PPM1B: variants seen among roughly 807,000 people sequenced by gnomAD.
PPM1B encodes the protein protein phosphatase 1B.
In PPM1B, 22 loss-of-function variants were observed where a neutral mutation model predicts 43.0. The observed-to-expected ratio is 0.51, with a 90% CI of 0.37 to 0.73. The LOEUF (loss-of-function observed/expected upper bound fraction) is 0.73, where lower values mean the gene tolerates loss of function less well. Ranked by LOEUF, PPM1B falls within the 30% of genes least tolerant of loss-of-function variation. PPM1B has a pLI of 0.00. For synonymous variants in PPM1B, 217 were observed against 197.9 expected (o/e 1.10, Z -0.81); for missense variants, 632 against 584.2 (o/e 1.08, Z -0.84).
chr2:44,173,151 C>G (rs1667429667), intron 1 of PPM1B, among the ~76,000 whole-genome samples: 1 of 152,162 alleles, frequency 6.6e-6, no homozygotes, highest in Admixed American at 6.5e-5. Flanking sequence ...ACTAAAAATA[C>G]AGAATTTAGC....
chr2:44,217,438 G>T (rs1669774983), intron 3 of PPM1B, among the ~76,000 whole-genome samples: 3 of 151,278 alleles, frequency 2.0e-5, no homozygotes, highest in Admixed American at 1.3e-4. Flanking sequence ...ACTATTTCAG[G>T]TAAGTATCAA....
At chr2:44,227,195 A>C (rs1046595079) in intron 5 of PPM1B, among the ~76,000 whole-genome samples, 1 of 152,084 alleles carries the variant, frequency 6.6e-6, no homozygotes, top group Non-Finnish European at 1.5e-5. Context: ...GGCTGGTCTC[A>C]AACTCCTGGG....
chr2:44,232,192 A>C, downstream of PPM1B: 1 of 1,386,754 alleles, frequency 7.2e-7, no homozygotes, highest in Non-Finnish European at 9.9e-7. Flanking sequence ...TCTCTGTAAA[A>C]GTACCCTTTT....
chr2:44,197,170 G>T (rs1282546889), intron 1 of PPM1B, among the ~76,000 whole-genome samples: 2 of 151,896 alleles, frequency 1.3e-5, no homozygotes, highest in African/African-American at 4.8e-5. Context: ...CATACCACTG[G>T]AGTGCAGTGG....
chr2:44,174,809 C>G (rs1357850424), intron 1 of PPM1B, among the ~76,000 whole-genome samples: 2 of 152,154 alleles, frequency 1.3e-5, no homozygotes, highest in African/African-American at 4.8e-5. Context: ...ACTGGATGTT[C>G]TTATGAGTAG....
At chr2:44,188,888 TAGAG>T (rs1045181456) in intron 1 of PPM1B, among the ~76,000 whole-genome samples, 1 of 144,556 alleles carries the variant, frequency 6.9e-6, no homozygotes, top group African/African-American at 2.5e-5. Context: ...GGAAGCAAGA[TAGAG>T]AGGGGAGGTG....
Position 44,222,049 on chromosome 2 carries a change from A to G in PPM1B, c.1134+3512A>G, listed in dbSNP as rs1295858562. Among the ~76,000 whole-genome samples the G allele has an allele frequency of 1.5e-4, 23 of 152,244 alleles. No individual in the cohort carries two copies. In the South Asian group the frequency reaches 4.1e-3, roughly 27 times the overall value. ...TTAGTCTAGGGATTCACGAATCCCC[A>G]GAAATCTTTTGGAAAATTTCCAGAA... On this transcript the variant is annotated intron_variant, in intron 5 of 5. Transcript: ENST00000282412.
At chr2:44,181,255 A>G (rs1418642572) in intron 1 of PPM1B, among the ~76,000 whole-genome samples, 1 of 152,156 alleles carries the variant, frequency 6.6e-6, no homozygotes, top group Non-Finnish European at 1.5e-5. Context: ...AGCCTAGGAA[A>G]TATTATTTCA....
chr2:44,235,757 A>G (rs1442561258), downstream of PPM1B, among the ~76,000 whole-genome samples: 2 of 151,946 alleles, frequency 1.3e-5, no homozygotes, highest in Admixed American at 1.3e-4. Flanking sequence ...TAAGTACTCT[A>G]GCATGGTGTC....
At chr2:44,206,724 C>CT (rs1039491441) in intron 2 of PPM1B, among the ~76,000 whole-genome samples, 1 of 149,640 alleles carries the variant, frequency 6.7e-6, no homozygotes, top group Admixed American at 6.7e-5. Context: ...ATGCTTGATT[C>CT]TTTTTTTGTT....
At chr2:44,230,121 G>T in intron 5 of PPM1B, 1 of 1,465,692 alleles carries the variant, frequency 6.8e-7, no homozygotes, top group Non-Finnish European at 9.0e-7. Context: ...TTTAGGAAAT[G>T]CTTGTGTTGC....
chr2:44,186,184 A>G (rs1039222779), intron 1 of PPM1B, among the ~76,000 whole-genome samples: 4 of 152,142 alleles, frequency 2.6e-5, no homozygotes, highest in African/African-American at 9.7e-5. Flanking sequence ...TATTACTACT[A>G]TCATTTATTT....
chr2:44,244,258 C>T (rs755835843), exon 6 of PPM1B: 5 of 1,355,736 alleles, frequency 3.7e-6, no homozygotes, highest in African/African-American at 1.5e-5. Context: ...CATCTGTAAA[C>T]CTGCTGAGAG....
chr2:44,217,940 T>C, intron 3 of PPM1B, 27 bp from the exon 4 acceptor site: 1 of 1,496,662 alleles, frequency 6.7e-7, no homozygotes, highest in South Asian at 1.2e-5. Context: ...CACATTAATT[T>C]AGGAACTTTT....
At chr2:44,177,219 A>G (rs912350629) in intron 1 of PPM1B, among the ~76,000 whole-genome samples, 5 of 152,228 alleles carry the variant, frequency 3.3e-5, no homozygotes, top group African/African-American at 1.2e-4. Flanking sequence ...ACATTTGGCC[A>G]TCTATCTTAG....
At chr2:44,227,680 T>C (rs1391003813) in intron 5 of PPM1B, among the ~76,000 whole-genome samples, 2 of 151,414 alleles carry the variant, frequency 1.3e-5, no homozygotes, top group Non-Finnish European at 2.9e-5. Flanking sequence ...ACACCATACC[T>C]GGCTAATTTT....
intron 2 of PPM1B, among the ~76,000 whole-genome samples, chr2:44,206,164 G>A (rs371520254): frequency 6.6e-6 from 1 of 152,062 alleles, no homozygotes; most frequent in Non-Finnish European, 1.5e-5. Context: ...AAAGTAAAAA[G>A]AACATGTAAT....
chr2:44,222,683 G>A (rs1412043644), intron 5 of PPM1B, among the ~76,000 whole-genome samples: 1 of 152,172 alleles, frequency 6.6e-6, no homozygotes, highest in African/African-American at 2.4e-5. Context: ...GCCAGAATTT[G>A]AATTAGTCTG....
chr2:44,237,562 A>G (rs1670652387), downstream of PPM1B, among the ~76,000 whole-genome samples: 1 of 152,236 alleles, frequency 6.6e-6, no homozygotes, highest in African/African-American at 2.4e-5. Flanking sequence ...GTAAGTATCC[A>G]CAACTCCAGT....
Sources: allele counts gnomAD v4.1 joint callset (sites outside exome capture counted in the v4.1 genomes callset), GRCh38; gene constraint gnomAD v4.1.1; transcripts MANE v1.5; gene names NCBI Gene and HGNC (gene_info 2026-07-23, HGNC 2026-07-21).